The following TLN2 variants were observed in gnomAD, a reference collection of about 807,000 sequenced individuals.
TLN2 encodes talin-2.
TLN2 carries 118 observed loss-of-function variants against 294.7 expected under a neutral mutation model. The ratio of observed to expected loss-of-function variants is 0.40; its 90% confidence interval spans 0.34 to 0.47. The LOEUF is 0.47. TLN2 is among the 20% of genes least tolerant of loss of function. TLN2 has a pLI of 0.84. For missense variants in TLN2, 3,083 were observed against 3,282.2 expected, an observed-to-expected ratio of 0.94 and a Z score of 1.48; for synonymous variants, 1,431 against 1,304.5, an observed-to-expected ratio of 1.10 and a Z score of -2.09.
Position 62,738,298 on chromosome 15 carries a change from A to G in TLN2, c.3652A>G (p.Ile1218Val), listed in dbSNP as rs753021808. 3 of 1,614,146 alleles carry G rather than the reference A, an allele frequency of 1.9e-6. No homozygotes were observed. Among genetic ancestry groups the G allele is most frequent in the South Asian group, 2.2e-5 (2 of 91,054 alleles). The change falls in exon 30 of 59, where the codon ATC becomes GTC. Residue 1218 changes from isoleucine (I) to valine (V), a missense_variant. Transcript: ENST00000636159. ...QKDVDVALKS[I>V]GESSKKLLVD... ...GGATGTGGACGTGGCCTTGAAGAGC[A>G]TCGGGGAGTCCAGCAAGAAGCTGCT...
intron 9 of TLN2, among the ~76,000 whole-genome samples, chr15:62,661,034 T>C (rs377514351): frequency 1.3e-5 from 2 of 152,094 alleles, no homozygotes; most frequent in Non-Finnish European, 2.9e-5. Context: ...ATTAAAGAAA[T>C]TGACAAAGTA....
intron 1 of TLN2, among the ~76,000 whole-genome samples, chr15:62,581,330 G>A (rs780551448): frequency 8.5e-5 from 13 of 152,086 alleles, no homozygotes; most frequent in East Asian, 1.9e-4. Context: ...ACTTGATAGC[G>A]CTTTTCTTTT....
intron 43 of TLN2, among the ~76,000 whole-genome samples, chr15:62,777,472 G>T (rs1479704071): frequency 6.6e-6 from 1 of 150,674 alleles, no homozygotes; most frequent in Non-Finnish European, 1.5e-5. Flanking sequence ...GGAGGCAGAG[G>T]TTGCGGTGAG....
intron 1 of TLN2, among the ~76,000 whole-genome samples, chr15:62,563,038 T>C (rs2043109448): frequency 6.6e-6 from 1 of 151,726 alleles, no homozygotes. Context: ...CAGTTGCGAA[T>C]TGTGCTGCTA....
chr15:62,409,676 T>G (rs1479625179), intron 1 of TLN2, among the ~76,000 whole-genome samples: 1 of 152,190 alleles, frequency 6.6e-6, no homozygotes, highest in Non-Finnish European at 1.5e-5. Context: ...GCACAGGTAG[T>G]TAGGAATGAC....
At chr15:62,655,083 C>A (rs1209870802) in intron 7 of TLN2, among the ~76,000 whole-genome samples, 2 of 151,448 alleles carry the variant, frequency 1.3e-5, no homozygotes, top group Non-Finnish European at 2.9e-5. Context: ...TTTTTTCTTA[C>A]TCCCTAATTT....
intron 10 of TLN2, among the ~76,000 whole-genome samples, chr15:62,674,303 G>A (rs2055863835): frequency 6.6e-6 from 1 of 152,110 alleles, no homozygotes; most frequent in African/African-American, 2.4e-5. Flanking sequence ...GACTTGTCCA[G>A]TCTACGCAAC....
chr15:62,600,845 A>G (rs764064458), intron 2 of TLN2, among the ~76,000 whole-genome samples: 1 of 152,188 alleles, frequency 6.6e-6, no homozygotes, highest in Non-Finnish European at 1.5e-5. Context: ...TATGTGTCAA[A>G]TAGATAGAAC....
chr15:62,534,818 GCTAT>G (rs1201122521), intron 1 of TLN2, among the ~76,000 whole-genome samples: 1 of 152,110 alleles, frequency 6.6e-6, no homozygotes, highest in African/African-American at 2.4e-5. Flanking sequence ...CACTTCAGGA[GCTAT>G]CTGTCAGGAA....
intron 1 of TLN2, among the ~76,000 whole-genome samples, chr15:62,448,592 G>T (rs898765644): frequency 6.6e-6 from 1 of 152,206 alleles, no homozygotes; most frequent in Admixed American, 6.5e-5. Context: ...TGACATGCAG[G>T]GGGAGGGAAA....
chr15:62,516,425 T>C (rs12901999), intron 1 of TLN2, among the ~76,000 whole-genome samples: 10,463 of 152,308 alleles, frequency 0.069, 509 homozygotes, highest in Non-Finnish European at 0.1. Context: ...AGTTAGGAGT[T>C]TTGCTGCTCT....
intron 1 of TLN2, among the ~76,000 whole-genome samples, chr15:62,447,159 ATTTATTTATTTG>A (rs909341551): frequency 1.0e-4 from 8 of 77,062 alleles, no homozygotes; most frequent in South Asian, 5.4e-4. Context: ...GCCTATATTT[ATTTATTTATTTG>A]TTTATTTATT....
rs2055749834 is a variant in TLN2, at chr15:62,673,550, A to G, written c.789-277A>G. On this transcript the variant is annotated intron_variant, in intron 9 of 58. Transcript: ENST00000636159. ...TGTTTCTTACAAAAGATAGCATACT[A>G]TATACTCTTGTGCTCTTTTTTTTTT... Among the ~76,000 whole-genome samples the G allele has an allele frequency of 3.4e-5, 3 of 88,324 alleles. No individual in the cohort carries two copies. The South Asian group carries it at 1.7e-3, about 49-fold the overall frequency. 57.9% of individuals were successfully genotyped at this position (88,324 alleles called of 152,430 possible). A position where few individuals can be genotyped will look rare whatever the true frequency, so the allele number is the denominator to read the frequency against.
chr15:62,552,253 A>G (rs4775513), intron 1 of TLN2, among the ~76,000 whole-genome samples: 75,634 of 152,044 alleles, frequency 0.5, 20,039 homozygotes, highest in African/African-American at 0.69. Context: ...TTTTTATTCT[A>G]TTGTTAATCT....
chr15:62,621,167 G>T (rs530109105), intron 3 of TLN2, among the ~76,000 whole-genome samples: 33 of 152,210 alleles, frequency 2.2e-4, no homozygotes, highest in African/African-American at 7.9e-4. Flanking sequence ...AGCACCTTGG[G>T]ACTTAAGGAA....
chr15:62,472,678 A>G (rs547207920), intron 1 of TLN2, among the ~76,000 whole-genome samples: 1 of 152,364 alleles, frequency 6.6e-6, no homozygotes, highest in East Asian at 1.9e-4. Flanking sequence ...TGATTAGGAA[A>G]GGAGTGTGCC....
intron 22 of TLN2, among the ~76,000 whole-genome samples, chr15:62,713,680 A>T (rs866692171): frequency 6.6e-6 from 1 of 151,194 alleles, no homozygotes; most frequent in African/African-American, 2.4e-5. Context: ...CTCTGTCTCA[A>T]AAAAAAAATG....
chr15:62,776,791 G>A lies in TLN2; in HGVS notation c.5395G>A (p.Glu1799Lys). The change falls in exon 43 of 59, where the codon GAG becomes AAG. Residue 1799 changes from glutamate (E) to lysine (K), a missense_variant. Physicochemically the swap from Glu to Lys is moderately conservative, Grantham distance 56 (BLOSUM62 1). Transcript: ENST00000636159. ...KAQHTHDAIT[E>K]AAQLMKEAVD... is the part of the protein sequence containing the mutation. ...ACAACACACCCATGACGCCATCACA[G>A]AGGCCGCCCAGTTGATGAAGGAAGC... 6.3e-7 allele frequency: 1 copy of A among 1,591,748 alleles called. No individual in the cohort carries two copies. The highest frequency in any genetic ancestry group is 1.4e-5 in the African/African-American group (1 of 73,672).
intron 2 of TLN2, among the ~76,000 whole-genome samples, chr15:62,598,001 C>T (rs1411248695): frequency 6.6e-6 from 1 of 152,142 alleles, no homozygotes; most frequent in Non-Finnish European, 1.5e-5. Flanking sequence ...ATTAGGTATG[C>T]TCAACCTGTA....
Sources: allele counts gnomAD v4.1 joint callset (sites outside exome capture counted in the v4.1 genomes callset), GRCh38; gene constraint gnomAD v4.1.1; transcripts MANE v1.5; gene names NCBI Gene and HGNC (gene_info 2026-07-23, HGNC 2026-07-21).